Variants in NR1I3 observed in about 807,000 individuals in gnomAD.
The protein encoded by NR1I3 is constitutive activator of retinoid response.
In NR1I3, 30 loss-of-function variants were observed where a neutral mutation model predicts 38.4. The observed-to-expected ratio is 0.78, with a 90% CI of 0.58 to 1.06. NR1I3 has a LOEUF of 1.06. Ranked by LOEUF, NR1I3 falls within the 50% of genes least tolerant of loss-of-function variation. The pLI is 0.00. For missense variants in NR1I3, 388 were observed against 435.7 expected, an observed-to-expected ratio of 0.89 and a Z score of 0.97; for synonymous variants, 143 against 165.1, an observed-to-expected ratio of 0.87 and a Z score of 1.03.
intron 8 of NR1I3, 79 bp from the exon 9 acceptor site, chr1:161,230,005 C>T: frequency 1.3e-6 from 2 of 1,532,344 alleles, no homozygotes; most frequent in South Asian, 2.3e-5. Flanking sequence ...AGGCCCTGAT[C>T]CCCTGAACTA....
At chr1:161,235,682 C>G (rs559999139) in intron 3 of NR1I3, 165 bp downstream of exon 3, 8 of 735,758 alleles carry the variant, frequency 1.1e-5, no homozygotes, top group Non-Finnish European at 1.8e-5. Flanking sequence ...CATGAGATCA[C>G]GTACTTTGAG....
Position 161,229,692 on chromosome 1 carries a change from C to A in NR1I3, c.*105G>T, listed in dbSNP as rs759006086. The A allele has an allele frequency of 1.9e-6, 3 of 1,614,094 alleles. No individual in the cohort carries two copies. The highest frequency in any genetic ancestry group is 2.5e-6 in the Non-Finnish European group (3 of 1,179,976). On this transcript the variant is annotated 3_prime_UTR_variant, in exon 9 of 9. Coordinates refer to ENST00000367983, the MANE Select transcript of NR1I3 (RefSeq NM_005122.5). The stretch of plus-strand genomic sequence containing the variant: ...TATTGCTTTAGTCTTTCATTGCAAC[C>A]ACTGGGCTCCCTTTGAACCCGGCCC...
Position 161,238,099 on chromosome 1 carries a change from T to A in NR1I3, c.-92A>T. 6.2e-7 allele frequency: 1 copy of A among 1,612,844 alleles called. No individual in the cohort carries two copies. Among genetic ancestry groups the A allele is most frequent in the Non-Finnish European group, 8.5e-7 (1 of 1,178,888 alleles). ...CACAGAATCTGGTATGGAATGCCTCTCCCCAAACTCCCACGCTGTTGCTGG... is the reference window on the plus strand; with the variant it reads ...CACAGAATCTGGTATGGAATGCCTCACCCCAAACTCCCACGCTGTTGCTGG... On this transcript the variant is annotated 5_prime_UTR_variant, in exon 1 of 9. Coordinates refer to ENST00000367983, the MANE Select transcript of NR1I3 (RefSeq NM_005122.5).
chr1:161,233,230 G>A lies in NR1I3; in HGVS notation c.347C>T (p.Thr116Ile), dbSNP rs1334003092. The change falls in exon 4 of 9, where the codon ACA becomes ATA. Residue 116 changes from threonine to isoleucine, a missense_variant. Coordinates refer to ENST00000367983, the MANE Select transcript of NR1I3 (RefSeq NM_005122.5). ...GTGGCGGGTGTGGGCCCCCAGGAGTGTCCGGATCAGCTCTTCTTGCTCCTT... is the reference window on the plus strand; with the variant it reads ...GTGGCGGGTGTGGGCCCCCAGGAGTATCCGGATCAGCTCTTCTTGCTCCTT... ...LSKEQEELIR[T>I]LLGAHTRHMG... The A allele has an allele frequency of 1.9e-6, 3 of 1,614,052 alleles. No homozygotes were observed. The African/African-American group carries it at 4.0e-5, about 22-fold the overall frequency.
Position 161,238,180 on chromosome 1 carries a change from GT to G in NR1I3, c.-174del. On this transcript the variant is annotated 5_prime_UTR_variant, in exon 1 of 9. Coordinates refer to ENST00000367983, the MANE Select transcript of NR1I3 (RefSeq NM_005122.5). ...TTGGAGTTAGGGATTATGACCCGTA[GT>G]ATCTGGAAAACAAGAGATGTCTGTT... 6.4e-7 allele frequency: 1 copy of G among 1,564,620 alleles called. No individual in the cohort carries two copies. The highest frequency in any genetic ancestry group is 8.7e-7 in the Non-Finnish European group (1 of 1,146,102).
intron 1 of NR1I3, among the ~76,000 whole-genome samples, chr1:161,236,981 T>A (rs1668730569): frequency 6.6e-6 from 1 of 151,336 alleles, no homozygotes; most frequent in East Asian, 1.9e-4. Context: ...TTTTTTTTTG[T>A]TTATTTGTTT....
In NR1I3 at chr1:161,234,575, C is replaced by T. The variant is rs146775745; in HGVS notation, c.239-1237G>A. Among the ~76,000 whole-genome samples the T allele has an allele frequency of 2.2e-3, 336 of 152,090 alleles. 1 individual carries two copies. The highest frequency in any genetic ancestry group is 7.7e-3 in the African/African-American group (319 of 41,490). On this transcript the variant is annotated intron_variant, in intron 3 of 8. Transcript: ENST00000367983. ...AATACTGACTGTACAACTTCTTCTT[C>T]CTTCTTCTTTTCCTAGAGAGGACAT...
chr1:161,230,339 A>G (rs1666880539), intron 8 of NR1I3: 3 of 305,410 alleles, frequency 9.8e-6, no homozygotes, highest in Non-Finnish European at 1.8e-5. Flanking sequence ...TGCATACCTC[A>G]GAGCCTGGAT....
chr1:161,236,450 G>A lies in NR1I3; in HGVS notation c.107+9C>T, dbSNP rs946437578. 3.1e-6 allele frequency: 5 copies of A among 1,613,954 alleles called. No homozygotes were observed. In the African/African-American group the frequency reaches 6.7e-5, roughly 22 times the overall value. On this transcript the variant is annotated intron_variant, in intron 2 of 8. Coordinates refer to ENST00000367983, the MANE Select transcript of NR1I3 (RefSeq NM_005122.5). ...GGAGGGCTATTTCCATTGGGGAGGA[G>A]ACTCTCACCTGAAGAAACCCTTGCA... is the stretch of plus-strand genomic sequence containing the variant.
rs760125469 is a variant in NR1I3, at chr1:161,229,926, C to A, written c.918G>T (p.Arg306=). The change falls in exon 9 of 9, where the codon CGG becomes CGT. Residue 306 remains arginine, a splice_region_variant and synonymous_variant. Coordinates refer to ENST00000367983, the MANE Select transcript of NR1I3 (RefSeq NM_005122.5). ...IKGQQRRPRD[R]FLYAKLLGLL... The stretch of plus-strand genomic sequence containing the variant: ...GGCCTAGCAACTTCGCATACAGAAA[C>A]CTTTGGAGGAAGTAGTGGGGTTGCC... 1.2e-6 allele frequency: 2 copies of A among 1,614,016 alleles called. No individual in the cohort carries two copies. The highest frequency in any genetic ancestry group is 1.7e-5 in the Admixed American group (1 of 59,984).
rs951195229 is a variant in NR1I3 at position 161,233,199 on chromosome 1, G to A, written c.378C>T (p.Gly126=). Residue 126 remains glycine (G), a synonymous_variant, in exon 4 of 9, where the codon GGC becomes GGT. Coordinates refer to ENST00000367983, the MANE Select transcript of NR1I3 (RefSeq NM_005122.5). ...ACTGCACAAACTGTTCAAACATGGT[G>A]CCCATGTGGCGGGTGTGGGCCCCCA... ...TLLGAHTRHM[G]TMFEQFVQFR... is the part of the protein sequence containing the mutation. 1.2e-6 allele frequency: 2 copies of A among 1,614,192 alleles called. No homozygotes were observed. The highest frequency in any genetic ancestry group is 8.5e-7 in the Non-Finnish European group (1 of 1,180,026).
intron 1 of NR1I3, 92 bp downstream of exon 1, chr1:161,237,949 G>T: frequency 7.7e-7 from 1 of 1,302,392 alleles, no homozygotes; most frequent in Non-Finnish European, 1.1e-6. Flanking sequence ...CTCCCAAAGT[G>T]CTGGAATGAC....
rs1440223756 is a variant in NR1I3, at chr1:161,238,025, C to T, written c.-34+16G>A. The T allele has an allele frequency of 1.2e-6, 2 of 1,610,126 alleles. No homozygotes were observed. The highest frequency in any genetic ancestry group is 1.7e-6 in the Non-Finnish European group (2 of 1,176,526). ...TTTTATTACATTTAGTCTTTGGTCC[C>T]CAACAGATTTCCTACCTGCTTCTCT... On this transcript the variant is annotated intron_variant, in intron 1 of 8. Transcript: ENST00000367983.
rs769594436 is a variant in NR1I3, at chr1:161,230,829, G to A, written c.901C>T (p.Arg301Ter). ...CCACCGTACCGATCCCGGGGCCTTC[G>A]CTGCTGGCCCTTGATGTAGCTTTGC... ...TLQSYIKGQQ[R>*]RPRDRFLYAK... Residue 301 changes from arginine (R) to a stop codon, truncating the protein, a stop_gained, in exon 8 of 9, where the codon CGA becomes TGA. Coordinates refer to ENST00000367983, the MANE Select transcript of NR1I3 (RefSeq NM_005122.5). LOFTEE classifies it high-confidence loss of function. 8.7e-6 allele frequency: 14 copies of A among 1,614,074 alleles called. No homozygotes were observed. Among genetic ancestry groups the A allele is most frequent in the Non-Finnish European group, 9.3e-6 (11 of 1,180,030 alleles).
chr1:161,237,742 A>G (rs934319576), intron 1 of NR1I3, among the ~76,000 whole-genome samples: 6 of 151,896 alleles, frequency 4.0e-5, no homozygotes. Context: ...AAAACAAAAC[A>G]AAAAACAAAA....
At chr1:161,237,781 G>A (rs372429732) in intron 1 of NR1I3, among the ~76,000 whole-genome samples, 1 of 152,070 alleles carries the variant, frequency 6.6e-6, no homozygotes. Context: ...CTGACTTCAA[G>A]TGATCAATCC....
chr1:161,230,770 C>T, intron 8 of NR1I3, 43 bp downstream of exon 8: 2 of 1,613,066 alleles, frequency 1.2e-6, no homozygotes, highest in Non-Finnish European at 1.7e-6. Flanking sequence ...CCAACCCCTT[C>T]CTGCCCTGGT....
chr1:161,229,921 A>G lies in NR1I3; in HGVS notation c.923T>C (p.Leu308Pro). Residue 308 changes from leucine (L) to proline (P), a missense_variant, in exon 9 of 9, where the codon CTG (leucine) becomes CCG (proline). Physicochemically the swap from Leu to Pro is moderately conservative, Grantham distance 98. Transcript: ENST00000367983. Reference sequence around the variant, plus strand: ...CAGCAGGCCTAGCAACTTCGCATACAGAAACCTTTGGAGGAAGTAGTGGGG... The same window carrying G: ...CAGCAGGCCTAGCAACTTCGCATACGGAAACCTTTGGAGGAAGTAGTGGGG... ...GQQRRPRDRF[L>P]YAKLLGLLAE... is the part of the protein sequence containing the mutation. 1.2e-6 allele frequency: 2 copies of G among 1,614,088 alleles called. No homozygotes were observed. Among genetic ancestry groups the G allele is most frequent in the East Asian group, 4.5e-5 (2 of 44,898 alleles).
rs202054823 is a variant in NR1I3, at chr1:161,232,900, G to T, written c.455C>A (p.Ala152Asp). Residue 152 changes from alanine (A) to aspartate (D), a missense_variant, in exon 5 of 9, where the codon GCC becomes GAC. Transcript: ENST00000367983. ...FIHHQPLPTL[A>D]PVLPLVTHFA... Reference sequence around the variant, plus strand: ...GTGTGTGACCAGAGGCAGCACAGGGGCCAGGGTGGGCAAGGGCTGGTGATG... The same window carrying T: ...GTGTGTGACCAGAGGCAGCACAGGGTCCAGGGTGGGCAAGGGCTGGTGATG... 1.2e-6 allele frequency: 2 copies of T among 1,614,220 alleles called. No homozygotes were observed. Among genetic ancestry groups the T allele is most frequent in the East Asian group, 2.2e-5 (1 of 44,884 alleles).
Sources: allele counts gnomAD v4.1 joint callset (sites outside exome capture counted in the v4.1 genomes callset), GRCh38; gene constraint gnomAD v4.1.1; transcripts MANE v1.5; gene names NCBI Gene and HGNC (gene_info 2026-07-23, HGNC 2026-07-21).